PITPNC1: variants seen among roughly 807,000 people sequenced by gnomAD.
PITPNC1 encodes phosphatidylinositol transfer protein cytoplasmic 1.
In PITPNC1, 18 loss-of-function variants were observed where a neutral mutation model predicts 44.7. The observed-to-expected ratio is 0.40, with a 90% CI of 0.28 to 0.60. PITPNC1 has a LOEUF of 0.60. Ranked by LOEUF, PITPNC1 falls within the 20% of genes least tolerant of loss-of-function variation. PITPNC1 has a pLI of 0.39. For synonymous variants in PITPNC1, 141 were observed against 149.6 expected (o/e 0.94, Z 0.42); for missense variants, 290 against 418.4 (o/e 0.69, Z 2.68).
chr17:67,384,440 T>A (rs2038010452), intron 1 of PITPNC1, among the ~76,000 whole-genome samples: 1 of 151,660 alleles, frequency 6.6e-6, no homozygotes, highest in African/African-American at 2.4e-5. Context: ...TTTTTTTTTT[T>A]TTTGAGACGG....
chr17:67,541,563 G>A (rs545944848), intron 2 of PITPNC1, among the ~76,000 whole-genome samples: 32 of 152,034 alleles, frequency 2.1e-4, no homozygotes, highest in South Asian at 1.7e-3. Flanking sequence ...TAAAAGTAAC[G>A]TAAAATATCT....
chr17:67,554,410 A>ACCACG (rs1422301208), intron 4 of PITPNC1, among the ~76,000 whole-genome samples: 3 of 152,068 alleles, frequency 2.0e-5, no homozygotes, highest in African/African-American at 7.2e-5. Context: ...GGTGTGCACC[A>ACCACG]CCACGCCCGG....
At chr17:67,441,976 G>A (rs1222631606) in intron 1 of PITPNC1, among the ~76,000 whole-genome samples, 1 of 151,862 alleles carries the variant, frequency 6.6e-6, no homozygotes, top group East Asian at 1.9e-4. Context: ...TTGTGATTTA[G>A]TTGAGTAGAA....
intron 6 of PITPNC1, 37 bp from the exon 7 acceptor site, chr17:67,669,469 CTT>C: frequency 2.2e-6 from 3 of 1,393,244 alleles, no homozygotes; most frequent in Non-Finnish European, 2.0e-6. Context: ...GATGGTCAAA[CTT>C]TTAATATATC....
chr17:67,578,962 A>G (rs988011909), intron 5 of PITPNC1, among the ~76,000 whole-genome samples: 14 of 152,372 alleles, frequency 9.2e-5, no homozygotes, highest in Admixed American at 9.1e-4. Flanking sequence ...AGCCTGGGCC[A>G]CAGAGCGAGA....
chr17:67,572,629 C>T (rs1478800221), intron 4 of PITPNC1, among the ~76,000 whole-genome samples: 3 of 151,812 alleles, frequency 2.0e-5, no homozygotes, highest in Admixed American at 1.3e-4. Context: ...AGGAGATACG[C>T]GCTGTGATAA....
At chr17:67,394,358 A>C (rs1164425247) in intron 1 of PITPNC1, among the ~76,000 whole-genome samples, 1 of 152,120 alleles carries the variant, frequency 6.6e-6, no homozygotes, top group African/African-American at 2.4e-5. Flanking sequence ...TAAATGTGTA[A>C]TGTTTTGGTA....
At chr17:67,440,000 G>A (rs2038990328) in intron 1 of PITPNC1, among the ~76,000 whole-genome samples, 1 of 152,182 alleles carries the variant, frequency 6.6e-6, no homozygotes, top group African/African-American at 2.4e-5. Context: ...GAGGTAGGCA[G>A]GAGGAAGATG....
chr17:67,672,028 A>C (rs1431213222), intron 7 of PITPNC1, among the ~76,000 whole-genome samples: 1 of 151,940 alleles, frequency 6.6e-6, no homozygotes, highest in Non-Finnish European at 1.5e-5. Context: ...TCCACCTCCC[A>C]GGTTCAAGCA....
At position 67,377,748 on chromosome 17, in the gene PITPNC1, A is replaced by AC. The variant is rs1038266660; in HGVS notation, c.-406dup. 2 of 165,132 alleles carry AC rather than the reference A, an allele frequency of 1.2e-5. No individual in the cohort carries two copies. Among genetic ancestry groups the AC allele is most frequent in the African/African-American group, 4.8e-5 (2 of 41,900 alleles). The allele number at this position is 165,132 out of a possible 1,614,324, so 10.2% of individuals were successfully genotyped here. A position where few individuals can be genotyped will look rare whatever the true frequency, so the allele number is the denominator to read the frequency against. Reference sequence around the variant, plus strand: ...CTTTCGGAGGCGGATCGAGCGGGTGACTTTTGTGCATTCGTTTTAATTTTT... The same window carrying AC: ...CTTTCGGAGGCGGATCGAGCGGGTGACCTTTTGTGCATTCGTTTTAATTTTT... On this transcript the variant is annotated 5_prime_UTR_variant, in exon 1 of 9. Transcript: ENST00000581322.
intron 3 of PITPNC1, chr17:67,553,219 C>T (rs991302941): frequency 1.3e-5 from 2 of 157,722 alleles, no homozygotes; most frequent in South Asian, 2.0e-4. Context: ...TCAACGTCAT[C>T]AATAACAAGC....
At chr17:67,640,399 G>C (rs1017093418) in intron 6 of PITPNC1, among the ~76,000 whole-genome samples, 1 of 152,192 alleles carries the variant, frequency 6.6e-6, no homozygotes, top group Non-Finnish European at 1.5e-5. Context: ...GAGAGAGAAG[G>C]CCAGGCACAG....
chr17:67,578,227 G>A lies in PITPNC1; in HGVS notation c.336G>A (p.Lys112=), dbSNP rs773278558. ...AATTCTCCATTCATATAGAAACCAA[G>A]TATGAGGACAACAAAGGAAGCAATG... ...LPKFSIHIET[K]YEDNKGSNDT... is the part of the protein sequence containing the mutation. Residue 112 remains lysine (K), a synonymous_variant, in exon 5 of 9, where the codon AAG becomes AAA. Transcript: ENST00000581322. The A allele has an allele frequency of 6.2e-7, 1 of 1,613,042 alleles. No individual in the cohort carries two copies. Among genetic ancestry groups the A allele is most frequent in the Non-Finnish European group, 8.5e-7 (1 of 1,179,292 alleles).
intron 4 of PITPNC1, among the ~76,000 whole-genome samples, chr17:67,569,331 T>C (rs1411000650): frequency 6.6e-6 from 1 of 152,236 alleles, no homozygotes; most frequent in East Asian, 1.9e-4. Context: ...GCATTTTGCA[T>C]ATGCTGCTTT....
At chr17:67,414,445 C>G (rs2038555966) in intron 1 of PITPNC1, among the ~76,000 whole-genome samples, 1 of 151,838 alleles carries the variant, frequency 6.6e-6, no homozygotes, top group African/African-American at 2.4e-5. Context: ...CCCCACCCCC[C>G]CATATATACT....
intron 5 of PITPNC1, among the ~76,000 whole-genome samples, chr17:67,593,022 A>C (rs1050196874): frequency 6.6e-6 from 1 of 152,224 alleles, no homozygotes; most frequent in Non-Finnish European, 1.5e-5. Context: ...TGGGCAACAG[A>C]GAAAGACCCT....
At chr17:67,647,620 A>G (rs2042167514) in intron 6 of PITPNC1, among the ~76,000 whole-genome samples, 1 of 151,134 alleles carries the variant, frequency 6.6e-6, no homozygotes, top group South Asian at 2.1e-4. Context: ...CCAGGAAGCT[A>G]TTTTTAAAAA....
intron 1 of PITPNC1, among the ~76,000 whole-genome samples, chr17:67,427,811 T>A (rs1457463377): frequency 6.6e-6 from 1 of 152,190 alleles, no homozygotes; most frequent in Non-Finnish European, 1.5e-5. Context: ...ACCTTTAAGA[T>A]GGGAGATTGC....
intron 1 of PITPNC1, among the ~76,000 whole-genome samples, chr17:67,426,277 T>C (rs2038763974): frequency 1.3e-5 from 2 of 152,176 alleles, no homozygotes; most frequent in South Asian, 4.1e-4. Flanking sequence ...CTAAGAAATA[T>C]AAATCATTCT....
Sources: allele counts gnomAD v4.1 joint callset (sites outside exome capture counted in the v4.1 genomes callset), GRCh38; gene constraint gnomAD v4.1.1; transcripts MANE v1.5; gene names NCBI Gene and HGNC (gene_info 2026-07-23, HGNC 2026-07-21).